AGBL4: variants seen among roughly 807,000 people sequenced by gnomAD.
AGBL4 encodes cytosolic carboxypeptidase 6.
A neutral mutation model predicts 66.4 loss-of-function variants in AGBL4; 58 were observed. That is an observed-to-expected ratio of 0.87 (90% CI 0.71 to 1.09). The LOEUF is 1.09. Among genes scored for constraint, AGBL4 ranks in the 50% least tolerant of loss-of-function variants. AGBL4 has a pLI of 0.00. For synonymous variants in AGBL4, 234 were observed against 222.9 expected, an observed-to-expected ratio of 1.05 and a Z score of -0.44; for missense variants, 579 against 631.0, an observed-to-expected ratio of 0.92 and a Z score of 0.88.
At chr1:49,672,026 A>C (rs1646486132) in intron 3 of AGBL4, among the ~76,000 whole-genome samples, 1 of 152,210 alleles carries the variant, frequency 6.6e-6, no homozygotes, top group Non-Finnish European at 1.5e-5. Flanking sequence ...CCACAAAGAC[A>C]TATGCATGTA....
intron 3 of AGBL4, among the ~76,000 whole-genome samples, chr1:49,493,772 C>A (rs1488153073): frequency 6.6e-6 from 1 of 151,892 alleles, no homozygotes; most frequent in Non-Finnish European, 1.5e-5. Context: ...GTTTTTGTAT[C>A]ATTTTGACAA....
intron 3 of AGBL4, among the ~76,000 whole-genome samples, chr1:49,314,695 G>A (rs1437240821): frequency 6.6e-6 from 1 of 152,004 alleles, no homozygotes; most frequent in Non-Finnish European, 1.5e-5. Context: ...AAACATACGT[G>A]TGCATGTGTC....
At chr1:49,098,176 T>C (rs1645140665) in intron 4 of AGBL4, among the ~76,000 whole-genome samples, 1 of 152,182 alleles carries the variant, frequency 6.6e-6, no homozygotes, top group African/African-American at 2.4e-5. Context: ...TGAAAAGCTA[T>C]AGGATTAACC....
chr1:49,128,040 T>C (rs1265800611), intron 4 of AGBL4, among the ~76,000 whole-genome samples: 2 of 151,918 alleles, frequency 1.3e-5, no homozygotes, highest in Non-Finnish European at 2.9e-5. Context: ...GAAATTAGCA[T>C]ATAAAAACAT....
intron 2 of AGBL4, among the ~76,000 whole-genome samples, chr1:49,758,550 G>A (rs1652066819): frequency 6.6e-6 from 1 of 152,146 alleles, no homozygotes; most frequent in Non-Finnish European, 1.5e-5. Context: ...GACATACAGA[G>A]TCAAAGGATA....
rs1417891747 is a variant in AGBL4 at position 49,380,242 on chromosome 1, C to T, written c.283-134378G>A. On this transcript the variant is annotated intron_variant, in intron 3 of 13. Transcript: ENST00000371839. ...AGAGAGCCAAATCATGAGTGAACTC[C>T]CATTCACAGTTGCTTCAAAGAGAAT... 1.2e-4 allele frequency among the ~76,000 whole-genome samples: 19 copies of T among 152,154 alleles called. No homozygotes were observed. The East Asian group carries it at 3.1e-3, about 25-fold the overall frequency.
intron 12 of AGBL4, among the ~76,000 whole-genome samples, chr1:48,539,109 G>A (rs1312386620): frequency 6.6e-6 from 1 of 152,192 alleles, no homozygotes; most frequent in Non-Finnish European, 1.5e-5. Flanking sequence ...CCCAGAAGAG[G>A]ACCCAAGGTA....
intron 5 of AGBL4, among the ~76,000 whole-genome samples, chr1:48,894,410 A>T (rs892261599): frequency 6.6e-6 from 1 of 152,228 alleles, no homozygotes; most frequent in African/African-American, 2.4e-5. Flanking sequence ...CATCTATTTG[A>T]TTCTAAAACA....
intron 3 of AGBL4, among the ~76,000 whole-genome samples, chr1:49,662,769 T>A (rs1439239014): frequency 6.6e-6 from 1 of 152,110 alleles, no homozygotes; most frequent in Admixed American, 6.6e-5. Context: ...TAAGCATTGA[T>A]GGAAATAGGA....
At chr1:48,827,096 T>G (rs4926764) in intron 6 of AGBL4, among the ~76,000 whole-genome samples, 48 of 152,114 alleles carry the variant, frequency 3.2e-4, no homozygotes, top group Admixed American at 7.8e-4. Flanking sequence ...AAATTACCCC[T>G]GATTTCTTAA....
chr1:49,831,434 C>T (rs145091295), intron 2 of AGBL4, among the ~76,000 whole-genome samples: 651 of 152,180 alleles, frequency 4.3e-3, no homozygotes, highest in Middle Eastern at 6.8e-3. Context: ...TATAGGAACA[C>T]TTGTGATTTT....
intron 3 of AGBL4, among the ~76,000 whole-genome samples, chr1:49,637,479 T>G (rs1645698676): frequency 6.6e-6 from 1 of 151,898 alleles, no homozygotes; most frequent in African/African-American, 2.4e-5. Flanking sequence ...TTTTTTGTAT[T>G]TTTAGTAGAG....
intron 6 of AGBL4, among the ~76,000 whole-genome samples, chr1:48,681,095 C>T (rs112744891): frequency 8.5e-5 from 13 of 152,168 alleles, no homozygotes; most frequent in Admixed American, 6.5e-5. Context: ...GTTGATAAAC[C>T]TGTGGAAATT....
At chr1:48,790,685 G>A (rs141901242) in intron 6 of AGBL4, among the ~76,000 whole-genome samples, 1 of 152,200 alleles carries the variant, frequency 6.6e-6, no homozygotes, top group African/African-American at 2.4e-5. Context: ...AGTGTAGAGA[G>A]GTGAGACATT....
intron 3 of AGBL4, among the ~76,000 whole-genome samples, chr1:49,495,737 G>C (rs1258221081): frequency 6.6e-6 from 1 of 151,960 alleles, no homozygotes; most frequent in East Asian, 1.9e-4. Flanking sequence ...TTTAAAAAAA[G>C]GGGAGGTATT....
At chr1:49,970,756 CA>C (rs11308932) in intron 1 of AGBL4, among the ~76,000 whole-genome samples, 107,624 of 135,488 alleles carry the variant, frequency 0.79, 43,259 homozygotes, top group Non-Finnish European at 0.88. Context: ...CATACACAAA[CA>C]AAAAAAAAAA....
intron 2 of AGBL4, chr1:49,842,071 G>C: frequency 2.8e-6 from 1 of 355,492 alleles, no homozygotes; most frequent in Middle Eastern, 4.5e-4. Context: ...ACTCATGCCT[G>C]CCCTCTACCT....
chr1:49,695,456 T>C (rs1166518094), intron 3 of AGBL4, among the ~76,000 whole-genome samples: 1 of 152,062 alleles, frequency 6.6e-6, no homozygotes, highest in Non-Finnish European at 1.5e-5. Flanking sequence ...CTTTGGAAAA[T>C]ATACTTTAAG....
chr1:49,245,656 T>C, intron 4 of AGBL4, 114 bp downstream of exon 4: 7 of 684,134 alleles, frequency 1.0e-5, no homozygotes, highest in South Asian at 4.7e-5. Flanking sequence ...AAATTTTCTT[T>C]TAAAAATTTT....
Sources: gnomAD v4.1 joint callset for allele counts (sites outside exome capture counted in the v4.1 genomes callset) on GRCh38, gnomAD v4.1.1 for gene constraint, MANE v1.5 for transcripts, NCBI Gene and HGNC (gene_info 2026-07-23, HGNC 2026-07-21) for gene names.